Variants in SPAG16 observed in about 807,000 individuals in gnomAD.
SPAG16 encodes sperm associated antigen 16, also known as sperm-associated antigen 16 protein.
A neutral mutation model predicts 80.4 loss-of-function variants in SPAG16; 86 were observed. That is an observed-to-expected ratio of 1.07 (90% confidence interval 0.90 to 1.28). The LOEUF is 1.28. SPAG16 is among the 50% of genes most tolerant of loss of function. The pLI is 0.00. For synonymous variants in SPAG16, 294 were observed against 265.9 expected, an observed-to-expected ratio of 1.11 and a Z score of -1.03; for missense variants, 870 against 765.3, an observed-to-expected ratio of 1.14 and a Z score of -1.61.
intron 11 of SPAG16, among the ~76,000 whole-genome samples, chr2:213,904,433 C>T (rs1185091280): frequency 1.3e-5 from 2 of 151,994 alleles, no homozygotes; most frequent in African/African-American, 2.4e-5. Context: ...TATCAAGAGA[C>T]TTATTCACTA....
chr2:214,303,408 C>A (rs1694695529), intron 15 of SPAG16, among the ~76,000 whole-genome samples: 1 of 152,122 alleles, frequency 6.6e-6, no homozygotes, highest in African/African-American at 2.4e-5. Context: ...ATATAAAATT[C>A]ATGGATGGCA....
intron 10 of SPAG16, among the ~76,000 whole-genome samples, chr2:213,750,549 G>T (rs1188386670): frequency 1.3e-5 from 2 of 152,124 alleles, no homozygotes; most frequent in Non-Finnish European, 2.9e-5. Flanking sequence ...AGGTTCTCTT[G>T]TTGGTAAATT....
chr2:213,715,716 G>T (rs573885482), intron 10 of SPAG16, among the ~76,000 whole-genome samples: 2 of 152,218 alleles, frequency 1.3e-5, no homozygotes, highest in African/African-American at 4.8e-5. Context: ...TTAGTTGTAT[G>T]GCTTTTTGAG....
intron 15 of SPAG16, among the ~76,000 whole-genome samples, chr2:214,375,228 T>C (rs1335481747): frequency 6.6e-6 from 1 of 152,094 alleles, no homozygotes; most frequent in Non-Finnish European, 1.5e-5. Context: ...ATTTAAATGG[T>C]TTTCTAGTGT....
chr2:213,443,098 A>T (rs1028319981), intron 9 of SPAG16, among the ~76,000 whole-genome samples: 11 of 152,212 alleles, frequency 7.2e-5, no homozygotes, highest in Admixed American at 7.2e-4. Context: ...TATTATGCAT[A>T]GTAAAATGAT....
At chr2:214,217,778 G>A (rs548380804) in intron 15 of SPAG16, among the ~76,000 whole-genome samples, 53 of 152,308 alleles carry the variant, frequency 3.5e-4, no homozygotes, top group Middle Eastern at 3.4e-3. Context: ...TGAAGGAAAC[G>A]GTAATGCCTG....
intron 10 of SPAG16, among the ~76,000 whole-genome samples, chr2:213,739,853 C>T (rs1175306261): frequency 1.3e-5 from 2 of 152,184 alleles, no homozygotes; most frequent in African/African-American, 4.8e-5. Flanking sequence ...CTGCCTGCCT[C>T]GACCTCCCAA....
chr2:214,157,564 G>A (rs879281476), intron 15 of SPAG16, among the ~76,000 whole-genome samples: 18 of 151,852 alleles, frequency 1.2e-4, no homozygotes, highest in African/African-American at 1.7e-4. Flanking sequence ...ATTAATTTAG[G>A]GATAATAGTC....
intron 8 of SPAG16, among the ~76,000 whole-genome samples, chr2:213,372,404 T>C (rs1380602258): frequency 6.6e-6 from 1 of 152,140 alleles, no homozygotes; most frequent in Non-Finnish European, 1.5e-5. Context: ...ATAAATGTCA[T>C]ATATAGTAAA....
intron 15 of SPAG16, among the ~76,000 whole-genome samples, chr2:214,343,592 G>C (rs1276403702): frequency 1.3e-5 from 2 of 152,134 alleles, no homozygotes; most frequent in Admixed American, 6.5e-5. Context: ...TTATATGTCA[G>C]TAATTACACT....
intron 10 of SPAG16, among the ~76,000 whole-genome samples, chr2:213,703,982 A>G (rs539182709): frequency 3.9e-5 from 6 of 152,176 alleles, no homozygotes; most frequent in African/African-American, 4.8e-5. Flanking sequence ...AGAAACTTAC[A>G]TAAGATCTAC....
Position 213,348,367 on chromosome 2 carries a change from G to A in SPAG16, c.645-2161G>A, listed in dbSNP as rs1026036583. Among the ~76,000 whole-genome samples the A allele has an allele frequency of 1.2e-4, 19 of 152,252 alleles. No homozygotes were observed. In the East Asian group the frequency reaches 3.3e-3, roughly 26 times the overall value. On this transcript the variant is annotated intron_variant, in intron 6 of 15. Transcript: ENST00000331683. ...CTGTGTCTTTTAACGGGAGCATTTAGCCCATTTACATTTAAGGTTAATATT... is the reference window on the plus strand; with the variant it reads ...CTGTGTCTTTTAACGGGAGCATTTAACCCATTTACATTTAAGGTTAATATT...
chr2:213,303,623 C>T (rs984701599), intron 3 of SPAG16, among the ~76,000 whole-genome samples: 11 of 152,020 alleles, frequency 7.2e-5, no homozygotes, highest in Non-Finnish European at 2.9e-5. Flanking sequence ...TAAGTGAGAA[C>T]ATGTGAAGTT....
At chr2:213,994,577 CTTTTT>C (rs5838404) in intron 12 of SPAG16, among the ~76,000 whole-genome samples, 2 of 139,112 alleles carry the variant, frequency 1.4e-5, no homozygotes, top group Admixed American at 7.2e-5. Flanking sequence ...ATTTTCCATC[CTTTTT>C]TTTTTTTTTT....
intron 11 of SPAG16, among the ~76,000 whole-genome samples, chr2:213,880,409 T>A (rs1239342552): frequency 6.6e-6 from 1 of 152,222 alleles, no homozygotes; most frequent in Non-Finnish European, 1.5e-5. Flanking sequence ...GAGAATATTT[T>A]CTCCCATTTC....
intron 12 of SPAG16, among the ~76,000 whole-genome samples, chr2:213,963,528 T>C (rs1201419441): frequency 6.6e-6 from 1 of 152,156 alleles, no homozygotes; most frequent in Middle Eastern, 3.2e-3. Context: ...GAGTCTTCTA[T>C]AGATATGTTA....
intron 10 of SPAG16, among the ~76,000 whole-genome samples, chr2:213,520,000 C>A (rs577494168): frequency 6.6e-6 from 1 of 151,978 alleles, no homozygotes; most frequent in African/African-American, 2.4e-5. Context: ...AACATACGCA[C>A]AAACACATAC....
At chr2:213,413,422 G>A (rs2069093671) in intron 9 of SPAG16, among the ~76,000 whole-genome samples, 1 of 152,190 alleles carries the variant, frequency 6.6e-6, no homozygotes, top group East Asian at 1.9e-4. Flanking sequence ...CTATGTGTGT[G>A]TATATCTACA....
intron 10 of SPAG16, among the ~76,000 whole-genome samples, chr2:213,616,955 G>T (rs1287539132): frequency 6.6e-6 from 1 of 152,110 alleles, no homozygotes; most frequent in Non-Finnish European, 1.5e-5. Context: ...ATCTGTTCAG[G>T]CTATTGTAGC....
Sources: gnomAD v4.1 joint callset for allele counts (sites outside exome capture counted in the v4.1 genomes callset) on GRCh38, gnomAD v4.1.1 for gene constraint, MANE v1.5 for transcripts, NCBI Gene and HGNC (gene_info 2026-07-23, HGNC 2026-07-21) for gene names.